The following ADCY5 variants were observed in gnomAD, a reference collection of about 807,000 sequenced individuals.
ADCY5 encodes the protein adenylate cyclase type 5.
In ADCY5, 30 loss-of-function variants were observed where a neutral mutation model predicts 119.7. The ratio of observed to expected loss-of-function variants is 0.25; its 90% CI spans 0.19 to 0.34. The LOEUF (loss-of-function observed/expected upper bound fraction) is 0.34. Ranked by LOEUF, ADCY5 falls within the 10% of genes least tolerant of loss-of-function variation. The pLI, the probability that ADCY5 is intolerant of heterozygous loss-of-function variation, is 1.00. For synonymous variants in ADCY5, 753 were observed against 762.2 expected, an observed-to-expected ratio of 0.99 and a Z score of 0.20; for missense variants, 1,324 against 1,775.2, an observed-to-expected ratio of 0.75 and a Z score of 4.57.
In ADCY5 at chr3:123,283,093, C is replaced by T. The variant is rs1012059052; in HGVS notation, c.*1515G>A. The T allele has an allele frequency of 2.0e-5, 3 of 152,258 alleles. No homozygotes were observed. Among genetic ancestry groups the T allele is most frequent in the African/African-American group, 7.2e-5 (3 of 41,464 alleles). 9.4% of individuals were successfully genotyped at this position (152,258 alleles called of 1,614,324 possible). On this transcript the variant is annotated 3_prime_UTR_variant, in exon 21 of 21. Coordinates refer to ENST00000462833, the MANE Select transcript of ADCY5 (RefSeq NM_183357.3). The stretch of plus-strand genomic sequence containing the variant: ...TGTGGACTCTAAAGCTGGGCTCTAC[C>T]CATTCCTCTGCCTGGTTTGCCGGTG...
intron 6 of ADCY5, 117 bp from the exon 7 acceptor site, chr3:123,327,876 C>T: frequency 8.1e-7 from 1 of 1,232,468 alleles, no homozygotes; most frequent in Non-Finnish European, 1.1e-6. Context: ...CCCTAGGGCC[C>T]CAAGCTCTGC....
chr3:123,414,782 C>G (rs914933018), intron 1 of ADCY5, among the ~76,000 whole-genome samples: 2 of 152,166 alleles, frequency 1.3e-5, no homozygotes, highest in African/African-American at 4.8e-5. Context: ...GTCTCAAACT[C>G]TTGACCTCAA....
intron 1 of ADCY5, among the ~76,000 whole-genome samples, chr3:123,385,655 A>G (rs1053617967): frequency 2.0e-5 from 3 of 152,170 alleles, no homozygotes; most frequent in African/African-American, 7.2e-5. Context: ...GAAAAGCTGG[A>G]GTCCAAATGC....
At chr3:123,295,083 C>A (rs1939416701) in intron 17 of ADCY5, among the ~76,000 whole-genome samples, 1 of 152,200 alleles carries the variant, frequency 6.6e-6, no homozygotes, top group African/African-American at 2.4e-5. Context: ...CCCTCAACTG[C>A]AGACCTCCGT....
intron 1 of ADCY5, among the ~76,000 whole-genome samples, chr3:123,411,650 AC>A (rs1945050770): frequency 6.6e-6 from 1 of 151,908 alleles, no homozygotes; most frequent in Non-Finnish European, 1.5e-5. Context: ...CAGGCCCAGC[AC>A]CCCCAATCCA....
At chr3:123,375,998 A>G (rs1258983694) in intron 1 of ADCY5, among the ~76,000 whole-genome samples, 1 of 148,128 alleles carries the variant, frequency 6.8e-6, no homozygotes, top group African/African-American at 2.5e-5. Context: ...TTTTAACCCA[A>G]AAGCTGTTGA....
At chr3:123,309,736 T>C (rs1311485433) in intron 12 of ADCY5, among the ~76,000 whole-genome samples, 1 of 152,136 alleles carries the variant, frequency 6.6e-6, no homozygotes, top group Non-Finnish European at 1.5e-5. Context: ...GAGATGTGAA[T>C]GGTGACAGGA....
intron 3 of ADCY5, among the ~76,000 whole-genome samples, chr3:123,339,782 C>A (rs1942191188): frequency 8.2e-6 from 1 of 121,916 alleles, no homozygotes; most frequent in Non-Finnish European, 1.6e-5. Context: ...TACAATGGAA[C>A]ACCCCATAGC....
intron 1 of ADCY5, chr3:123,419,333 T>C: frequency 2.9e-6 from 1 of 346,244 alleles, no homozygotes; most frequent in Non-Finnish European, 4.1e-6. Context: ...CTCTGGCTCA[T>C]CTTCCACGCC....
chr3:123,423,971 C>A (rs1945351873), intron 1 of ADCY5, among the ~76,000 whole-genome samples: 1 of 152,224 alleles, frequency 6.6e-6, no homozygotes, highest in African/African-American at 2.4e-5. Flanking sequence ...GGCAGAAGGT[C>A]TCGCTTTTCA....
intron 16 of ADCY5, 194 bp downstream of exon 16, chr3:123,297,159 T>C: frequency 7.2e-7 from 1 of 1,381,452 alleles, no homozygotes; most frequent in East Asian, 2.3e-5. Flanking sequence ...GCAGGGATCA[T>C]GAAAGTGACC....
At chr3:123,289,321 A>ACGC (rs968404326) in intron 19 of ADCY5, among the ~76,000 whole-genome samples, 1 of 152,256 alleles carries the variant, frequency 6.6e-6, no homozygotes, top group Non-Finnish European at 1.5e-5. Flanking sequence ...AAATAAAACA[A>ACGC]CGCGGTTAGG....
intron 1 of ADCY5, among the ~76,000 whole-genome samples, chr3:123,416,987 C>T (rs796438259): frequency 5.3e-5 from 8 of 152,274 alleles, no homozygotes; most frequent in African/African-American, 1.7e-4. Context: ...AATCCTCATC[C>T]GACCCCAATC....
chr3:123,329,091 C>T (rs1230588013), intron 5 of ADCY5, among the ~76,000 whole-genome samples: 1 of 152,248 alleles, frequency 6.6e-6, no homozygotes, highest in Non-Finnish European at 1.5e-5. Flanking sequence ...CTGGCCAGCA[C>T]TGCCCTGTCA....
At chr3:123,428,697 T>C (rs1450767513) in intron 1 of ADCY5, among the ~76,000 whole-genome samples, 1 of 152,226 alleles carries the variant, frequency 6.6e-6, no homozygotes, top group African/African-American at 2.4e-5. Context: ...GTTCTCCCCC[T>C]GGGAAGAGCA....
At chr3:123,356,036 A>C (rs1943025854) in intron 1 of ADCY5, among the ~76,000 whole-genome samples, 1 of 152,228 alleles carries the variant, frequency 6.6e-6, no homozygotes, top group South Asian at 2.1e-4. Context: ...GTACCAAGAC[A>C]ATTCAGTAGA....
At chr3:123,406,573 A>AG (rs1944908002) in intron 1 of ADCY5, among the ~76,000 whole-genome samples, 1 of 152,178 alleles carries the variant, frequency 6.6e-6, no homozygotes, top group Non-Finnish European at 1.5e-5. Context: ...AGTTGGAGAG[A>AG]GTGAAGAGGA....
At chr3:123,290,747 C>T (rs1939095238) in intron 18 of ADCY5, among the ~76,000 whole-genome samples, 1 of 152,200 alleles carries the variant, frequency 6.6e-6, no homozygotes, top group African/African-American at 2.4e-5. Flanking sequence ...GGACCCCATG[C>T]ACCCTAGATG....
chr3:123,424,266 C>T (rs1945357067), intron 1 of ADCY5, among the ~76,000 whole-genome samples: 1 of 152,264 alleles, frequency 6.6e-6, no homozygotes, highest in Non-Finnish European at 1.5e-5. Flanking sequence ...ACCCTTTGCT[C>T]TCAGATGCTG....
Sources: gnomAD v4.1 joint callset for allele counts (sites outside exome capture counted in the v4.1 genomes callset) on GRCh38, gnomAD v4.1.1 for gene constraint, MANE v1.5 for transcripts, NCBI Gene and HGNC (gene_info 2026-07-23, HGNC 2026-07-21) for gene names.